Variants in ANXA11 observed in about 807,000 individuals in gnomAD.
The protein encoded by ANXA11 is 56 kDa autoantigen.
ANXA11 carries 57 observed loss-of-function variants against 64.7 expected under a neutral mutation model. That is an observed-to-expected ratio of 0.88 (90% CI 0.71 to 1.10). ANXA11 has a LOEUF of 1.10. Ranked by LOEUF, ANXA11 falls within the 50% of genes least tolerant of loss-of-function variation. The pLI, the probability that ANXA11 is intolerant of heterozygous loss-of-function variation, is 0.00. For missense variants in ANXA11, 675 were observed against 670.7 expected, an observed-to-expected ratio of 1.01 and a Z score of -0.07; for synonymous variants, 260 against 265.2, an observed-to-expected ratio of 0.98 and a Z score of 0.19.
At chr10:80,204,741 G>A (rs543311565) in intron 1 of ANXA11, 3 of 152,952 alleles carry the variant, frequency 2.0e-5, no homozygotes, top group African/African-American at 7.2e-5. Context: ...TGAAACTGGG[G>A]ATCAAGGTTG....
At chr10:80,170,756 C>A (rs375278847) in intron 4 of ANXA11, 44 bp downstream of exon 4, 66 of 1,416,000 alleles carry the variant, frequency 4.7e-5, no homozygotes, top group Non-Finnish European at 6.0e-5. Context: ...TCTGGCCACG[C>A]AGGTGTGGCC....
chr10:80,200,371 C>T (rs1243980453), intron 1 of ANXA11, among the ~76,000 whole-genome samples: 2 of 152,202 alleles, frequency 1.3e-5, no homozygotes, highest in East Asian at 3.8e-4. Context: ...AAGAGATTCT[C>T]CCAGATCCTT....
At chr10:80,159,915 C>G (rs956717571) in intron 12 of ANXA11, among the ~76,000 whole-genome samples, 2 of 152,220 alleles carry the variant, frequency 1.3e-5, no homozygotes, top group African/African-American at 4.8e-5. Context: ...CTCAGCCTGC[C>G]TGTGAGCTGA....
At chr10:80,167,172 T>C (rs942596616) in intron 6 of ANXA11, 54 bp downstream of exon 6, 101 of 1,572,450 alleles carry the variant, frequency 6.4e-5, no homozygotes, top group Admixed American at 1.5e-4. Flanking sequence ...ACAGTGAAAC[T>C]GCCTGGGAAA....
intron 1 of ANXA11, among the ~76,000 whole-genome samples, chr10:80,184,587 C>G (rs527316909): frequency 2.2e-4 from 32 of 144,292 alleles, no homozygotes; most frequent in Admixed American, 6.7e-4. Context: ...GAGAGAGAGA[C>G]AGACAGACAG....
intron 1 of ANXA11, among the ~76,000 whole-genome samples, chr10:80,192,152 G>A (rs1361246837): frequency 6.6e-6 from 1 of 152,208 alleles, no homozygotes; most frequent in East Asian, 1.9e-4. Flanking sequence ...CTTCCTGCCC[G>A]AGGCAACAGC....
At position 80,166,038 on chromosome 10, in the gene ANXA11, GCGCGCACA is replaced by G. The variant is rs769471794; in HGVS notation, c.858+38_858+45del. On this transcript the variant is annotated intron_variant, in intron 8 of 15. Coordinates refer to ENST00000422982, the MANE Select transcript of ANXA11 (RefSeq NM_145868.2). ...CACGCATGCGCGCGTGCGCACACACGCGCGCACACACACACACACACACACACACACAC... is the reference window on the plus strand; with the variant it reads ...CACGCATGCGCGCGTGCGCACACACGCACACACACACACACACACACACAC... The G allele has an allele frequency of 3.6e-4, 202 of 557,454 alleles. 1 individual carries two copies. In the African/African-American group the frequency reaches 4.6e-3, roughly 13 times the overall value. 34.5% of individuals were successfully genotyped at this position (557,454 alleles called of 1,614,324 possible).
intron 1 of ANXA11, among the ~76,000 whole-genome samples, chr10:80,192,262 A>G (rs1846811007): frequency 6.6e-6 from 1 of 152,222 alleles, no homozygotes; most frequent in Non-Finnish European, 1.5e-5. Flanking sequence ...GAGATGTGAT[A>G]AAATCCTGCC....
intron 5 of ANXA11, 119 bp from the exon 6 acceptor site, chr10:80,167,432 G>C: frequency 1.2e-6 from 1 of 830,258 alleles, no homozygotes; most frequent in Admixed American, 2.2e-5. Context: ...GTATCTAAAG[G>C]AGTCCACAGT....
At chr10:80,156,858 T>G in intron 15 of ANXA11, 5 of 315,240 alleles carry the variant, frequency 1.6e-5, no homozygotes, top group South Asian at 1.3e-4. Flanking sequence ...GGAAACACAG[T>G]GAGTTTCCTG....
At chr10:80,175,981 G>A (rs547023945) in intron 2 of ANXA11, 126 bp downstream of exon 2, 4 of 152,342 alleles carry the variant, frequency 2.6e-5, no homozygotes, top group Non-Finnish European at 5.9e-5. Flanking sequence ...TGGAACCTGG[G>A]AGGCGGAAGT....
At chr10:80,200,327 T>C (rs922674509) in intron 1 of ANXA11, among the ~76,000 whole-genome samples, 5 of 152,206 alleles carry the variant, frequency 3.3e-5, no homozygotes, top group Non-Finnish European at 7.3e-5. Flanking sequence ...TCTTATAAAA[T>C]GCACTTATTT....
rs1845202962 is a variant in ANXA11, at chr10:80,153,974, G to C, written c.*1879C>G. On this transcript the variant is annotated 3_prime_UTR_variant, in exon 16 of 16. Transcript: ENST00000422982. Reference sequence around the variant, plus strand: ...CTCATTTGAGACAAGGTCTCGCTCTGTTGTCCAGGCTGGAGTGCAGTGGTG... The same window carrying C: ...CTCATTTGAGACAAGGTCTCGCTCTCTTGTCCAGGCTGGAGTGCAGTGGTG... The C allele has an allele frequency of 1.3e-5, 2 of 152,352 alleles. No individual in the cohort carries two copies. Among genetic ancestry groups the C allele is most frequent in the South Asian group, 4.2e-4 (2 of 4,818 alleles). The allele number at this position is 152,352 out of a possible 1,614,324, so 9.4% of individuals were successfully genotyped here.
intron 1 of ANXA11, among the ~76,000 whole-genome samples, chr10:80,201,766 C>T (rs1840433824): frequency 6.6e-6 from 1 of 152,174 alleles, no homozygotes. Context: ...CACTCCTTCC[C>T]CACTGTCACA....
chr10:80,187,569 A>ACACTCT (rs1331391278), intron 1 of ANXA11, among the ~76,000 whole-genome samples: 34 of 118,880 alleles, frequency 2.9e-4, no homozygotes, highest in African/African-American at 9.7e-4. Context: ...ACACACACAC[A>ACACTCT]CTCTCTCTCT....
At chr10:80,163,636 G>C in intron 9 of ANXA11, 23 bp from the exon 10 acceptor site, 1 of 1,547,082 alleles carries the variant, frequency 6.5e-7, no homozygotes, top group Non-Finnish European at 8.7e-7. Context: ...AGCAAGGAAG[G>C]TCCATCCTGT....
At chr10:80,197,855 C>T (rs1243478662) in intron 1 of ANXA11, among the ~76,000 whole-genome samples, 1 of 151,710 alleles carries the variant, frequency 6.6e-6, no homozygotes, top group Non-Finnish European at 1.5e-5. Flanking sequence ...ACCCAGGAGG[C>T]AGAGCTTGCA....
intron 1 of ANXA11, among the ~76,000 whole-genome samples, chr10:80,199,930 T>C (rs866285593): frequency 3.3e-5 from 5 of 152,296 alleles, no homozygotes; most frequent in Non-Finnish European, 5.9e-5. Flanking sequence ...GGGGCCCGCG[T>C]CTTTCTGACT....
chr10:80,177,883 C>T (rs532947666), intron 1 of ANXA11, among the ~76,000 whole-genome samples: 1 of 152,326 alleles, frequency 6.6e-6, no homozygotes, highest in African/African-American at 2.4e-5. Flanking sequence ...ACCAATCTCC[C>T]CCCAAGCTAT....
Sources: gnomAD v4.1 joint callset for allele counts (sites outside exome capture counted in the v4.1 genomes callset) on GRCh38, gnomAD v4.1.1 for gene constraint, MANE v1.5 for transcripts, NCBI Gene and HGNC (gene_info 2026-07-23, HGNC 2026-07-21) for gene names.